Variants in GEN1 observed in about 807,000 individuals in gnomAD.
GEN1 encodes the protein flap endonuclease GEN homolog 1.
A neutral mutation model predicts 67.6 loss-of-function variants in GEN1; 64 were observed. That is an observed-to-expected ratio of 0.95 (90% confidence interval 0.77 to 1.17). The LOEUF is 1.17. Among genes scored for constraint, GEN1 ranks in the 50% most tolerant of loss-of-function variants. The pLI, the probability that GEN1 is intolerant of heterozygous loss-of-function variation, is 0.00. For missense variants in GEN1, 1,058 were observed against 1,048.3 expected, an observed-to-expected ratio of 1.01 and a Z score of -0.13; for synonymous variants, 371 against 359.4, an observed-to-expected ratio of 1.03 and a Z score of -0.37.
chr2:17,755,446 T>A (rs375051476), intron 1 of GEN1: 21 of 152,352 alleles, frequency 1.4e-4, no homozygotes, highest in South Asian at 1.2e-3. Context: ...TAGTAGACAT[T>A]TAATAAGTAT....
At chr2:17,763,897 C>T (rs149180189) in intron 3 of GEN1, among the ~76,000 whole-genome samples, 3 of 152,116 alleles carry the variant, frequency 2.0e-5, no homozygotes, top group Non-Finnish European at 4.4e-5. Context: ...TGTAATGTGG[C>T]GTGGAAGTGA....
In GEN1 at chr2:17,761,281, G is replaced by A. The variant is rs1263534485; in HGVS notation, c.162-115G>A. ...ACTCTAATTAAAGCTTAAGTAAAAT[G>A]TTATTACATTAACGTTTTTGATACT... On this transcript the variant is annotated intron_variant, in intron 2 of 13. Transcript: ENST00000381254. 2.1e-5 allele frequency: 13 copies of A among 613,832 alleles called. No individual in the cohort carries two copies. In the East Asian group the frequency reaches 3.5e-4, roughly 17 times the overall value. 38.0% of individuals were successfully genotyped at this position (613,832 alleles called of 1,614,324 possible). A position where few individuals can be genotyped will look rare whatever the true frequency, so the allele number is the denominator to read the frequency against.
chr2:17,778,232 A>G lies in GEN1; in HGVS notation c.1264+169A>G, dbSNP rs866152168. 1.4e-4 allele frequency among the ~76,000 whole-genome samples: 19 copies of G among 140,048 alleles called. 3 individuals carry two copies. Among genetic ancestry groups the G allele is most frequent in the South Asian group, 2.5e-4 (1 of 3,988 alleles). The allele number at this position is 140,048 out of a possible 152,430, so 91.9% of individuals were successfully genotyped here. A position where few individuals can be genotyped will look rare whatever the true frequency, so the allele number is the denominator to read the frequency against. The stretch of plus-strand genomic sequence containing the variant: ...TATATATATGTATACACACACATAT[A>G]TGTGTGTACATATATGTATACACAC... On this transcript the variant is annotated intron_variant, in intron 12 of 13. Coordinates refer to ENST00000381254, the MANE Select transcript of GEN1 (RefSeq NM_001130009.3).
chr2:17,768,928 C>G (rs147921689), intron 6 of GEN1, 117 bp downstream of exon 6: 1 of 526,554 alleles, frequency 1.9e-6, no homozygotes, highest in Non-Finnish European at 3.3e-6. Flanking sequence ...TTAAACTGAC[C>G]TATATTTTGT....
At position 17,778,323 on chromosome 2, in the gene GEN1, C is replaced by CATATATGTATATACACACACACGT. The variant is rs1553331284; in HGVS notation, c.1264+260_1264+261insATATATGTATATACACACACACGT. On this transcript the variant is annotated intron_variant, in intron 12 of 13. Transcript: ENST00000381254. ...GTACATATATGTATATACACACACA[C>CATATATGTATATACACACACACGT]GTGTACATATATGTATACACACACA... Among the ~76,000 whole-genome samples the CATATATGTATATACACACACACGT allele has an allele frequency of 1.6e-4, 5 of 30,870 alleles. 2 individuals carry two copies. Among genetic ancestry groups the CATATATGTATATACACACACACGT allele is most frequent in the African/African-American group, 5.3e-4 (5 of 9,348 alleles). The allele number at this position is 30,870 out of a possible 152,430, so 20.3% of individuals were successfully genotyped here.
intron 6 of GEN1, 93 bp downstream of exon 6, chr2:17,768,904 AG>A (rs1345317762): frequency 3.0e-6 from 2 of 673,898 alleles, no homozygotes; most frequent in Non-Finnish European, 4.9e-6. Context: ...TTTCCAAAAA[AG>A]GGTTTTGTAT....
In GEN1 at chr2:17,784,598, T is replaced by C. The variant is rs1226289909; in HGVS notation, c.*2659T>C. Reference sequence around the variant, plus strand: ...GAGGAAGGGGAGAAACTAATGTGTATTAGCTATTGTGTGCTAAGCATTCAA... The same window carrying C: ...GAGGAAGGGGAGAAACTAATGTGTACTAGCTATTGTGTGCTAAGCATTCAA... On this transcript the variant is annotated 3_prime_UTR_variant, in exon 14 of 14. Coordinates refer to ENST00000381254, the MANE Select transcript of GEN1 (RefSeq NM_001130009.3). The C allele has an allele frequency of 6.6e-6, 1 of 152,226 alleles. No homozygotes were observed. Among genetic ancestry groups the C allele is most frequent in the East Asian group, 1.9e-4 (1 of 5,200 alleles). The allele number at this position is 152,226 out of a possible 1,614,324, so 9.4% of individuals were successfully genotyped here.
intron 1 of GEN1, chr2:17,755,119 T>C (rs1206393383): frequency 6.6e-6 from 1 of 152,226 alleles, no homozygotes; most frequent in African/African-American, 2.4e-5. Context: ...TAATCACATA[T>C]ATATTATATT....
rs35959528 is a variant in GEN1 at position 17,768,672 on chromosome 2, TTAA to T, written c.637-63_637-61del. The T allele has an allele frequency of 0.11, 128,423 of 1,180,706 alleles. 7,901 individuals carry two copies. The highest frequency in any genetic ancestry group is 0.26 in the African/African-American group (16,922 of 65,522). The allele number at this position is 1,180,706 out of a possible 1,614,324, so 73.1% of individuals were successfully genotyped here. On this transcript the variant is annotated intron_variant, in intron 5 of 13. Coordinates refer to ENST00000381254, the MANE Select transcript of GEN1 (RefSeq NM_001130009.3). ...TTCAGCTGCTGACTCTTCCGTTCAATTAATATACTTTTAACCATTCCTAGTGAT... is the reference window on the plus strand; with the variant it reads ...TTCAGCTGCTGACTCTTCCGTTCAATTATACTTTTAACCATTCCTAGTGAT...
rs1672632327 is a variant in GEN1, at chr2:17,778,366, A to ATATACACACACGTGTACATATATG, written c.1264+314_1264+315insGTGTACATATATGTATACACACAC. ...CACACACATGTGTGTACATATATGT[A>ATATACACACACGTGTACATATATG]TATACACACACATATATGTGTGTAC... On this transcript the variant is annotated intron_variant, in intron 12 of 13. Coordinates refer to ENST00000381254, the MANE Select transcript of GEN1 (RefSeq NM_001130009.3). Among the ~76,000 whole-genome samples the ATATACACACACGTGTACATATATG allele has an allele frequency of 1.3e-4, 4 of 31,182 alleles. 2 individuals are homozygous for ATATACACACACGTGTACATATATG. The Admixed American group carries it at 1.8e-3, about 14-fold the overall frequency. 20.5% of individuals were successfully genotyped at this position (31,182 alleles called of 152,430 possible).
chr2:17,762,365 C>CT (rs1431565989), intron 3 of GEN1, among the ~76,000 whole-genome samples: 1 of 151,338 alleles, frequency 6.6e-6, no homozygotes, highest in Admixed American at 6.6e-5. Context: ...CCACACCTGG[C>CT]TAAGTTTTTT....
In GEN1 at chr2:17,766,743, TA is replaced by T. The variant is rs1316794706; in HGVS notation, c.636+55del. 3.2e-6 allele frequency: 3 copies of T among 927,930 alleles called. No homozygotes were observed. The East Asian group carries it at 7.3e-5, about 22-fold the overall frequency. 57.5% of individuals were successfully genotyped at this position (927,930 alleles called of 1,614,324 possible). On this transcript the variant is annotated intron_variant, in intron 5 of 13. Transcript: ENST00000381254. ...TATTCATAAAGTCTTTTTCGTACTT[TA>T]TGTGCTGTATAAATATGAATATAAT...
In GEN1 at chr2:17,780,055, G is replaced by A; in HGVS notation, c.1342G>A (p.Ala448Thr). 5 of 1,608,746 alleles carry A rather than the reference G, an allele frequency of 3.1e-6. No homozygotes were observed. Among genetic ancestry groups the A allele is most frequent in the Non-Finnish European group, 4.3e-6 (5 of 1,175,388 alleles). The change falls in exon 13 of 14, where the codon GCA becomes ACA. Residue 448 changes from alanine to threonine, a missense_variant. Coordinates refer to ENST00000381254, the MANE Select transcript of GEN1 (RefSeq NM_001130009.3). ...TIEEESLFEA[A>T]YPEIVAVYQK... ...TGAGGAAGAATCATTGTTTGAAGCAGCATATCCTGAGATCGTTGCTGTTTA... is the reference window on the plus strand; with the variant it reads ...TGAGGAAGAATCATTGTTTGAAGCAACATATCCTGAGATCGTTGCTGTTTA...
rs533351718 is a variant in GEN1 at position 17,786,156 on chromosome 2, G to A, written c.*4217G>A. ...ACAGTGATCAATGGCATCCTATAAG[G>A]TTTTGATATCTGTGAAGTCACTGCC... On this transcript the variant is annotated 3_prime_UTR_variant, in exon 14 of 14. Transcript: ENST00000381254. 7.2e-5 allele frequency: 11 copies of A among 152,322 alleles called. No individual in the cohort carries two copies. The highest frequency in any genetic ancestry group is 2.6e-4 in the African/African-American group (11 of 41,566). 9.4% of individuals were successfully genotyped at this position (152,322 alleles called of 1,614,324 possible).
At chr2:17,767,653 C>A (rs1572400650) in intron 5 of GEN1, among the ~76,000 whole-genome samples, 1 of 152,220 alleles carries the variant, frequency 6.6e-6, no homozygotes, top group East Asian at 1.9e-4. Context: ...CTATAAACAG[C>A]CCAATGTTTA....
At chr2:17,764,607 TG>T (rs1671835823) in intron 3 of GEN1, among the ~76,000 whole-genome samples, 1 of 152,202 alleles carries the variant, frequency 6.6e-6, no homozygotes, top group African/African-American at 2.4e-5. Flanking sequence ...GACATAATAT[TG>T]TATCATTCCC....
chr2:17,777,865 G>C, intron 11 of GEN1, 137 bp from the exon 12 acceptor site: 1 of 518,490 alleles, frequency 1.9e-6, no homozygotes, highest in South Asian at 2.1e-5. Context: ...GAATAAACTA[G>C]TCAAAGGAAT....
intron 7 of GEN1, 124 bp downstream of exon 7, chr2:17,771,411 A>G (rs962636351): frequency 3.1e-6 from 2 of 640,738 alleles, no homozygotes; most frequent in Admixed American, 5.3e-5. Flanking sequence ...CTTCTCCACT[A>G]GATTAGGAAT....
At chr2:17,770,909 C>T in intron 6 of GEN1, among the ~76,000 whole-genome samples, 1 of 151,010 alleles carries the variant, frequency 6.6e-6, no homozygotes, top group African/African-American at 2.4e-5. Context: ...TATATATATA[C>T]ATACATATAT....
Sources: allele counts gnomAD v4.1 joint callset (sites outside exome capture counted in the v4.1 genomes callset), GRCh38; gene constraint gnomAD v4.1.1; transcripts MANE v1.5; gene names NCBI Gene and HGNC (gene_info 2026-07-23, HGNC 2026-07-21).